Variants in ODR4 observed in about 807,000 individuals in gnomAD.
The protein encoded by ODR4 is odr-4 GPCR localization factor homolog.
In ODR4, 47 loss-of-function variants were observed where a neutral mutation model predicts 60.2. The ratio of observed to expected loss-of-function variants is 0.78; its 90% CI spans 0.62 to 1.00. The LOEUF (loss-of-function observed/expected upper bound fraction) is 1.00. Ranked by LOEUF, ODR4 falls within the 50% of genes least tolerant of loss-of-function variation. The pLI is 0.00. For missense variants in ODR4, 488 were observed against 530.8 expected (o/e 0.92, Z 0.79); for synonymous variants, 178 against 175.5 (o/e 1.01, Z -0.11).
intron 12 of ODR4, among the ~76,000 whole-genome samples, chr1:186,412,868 A>G (rs941156720): frequency 6.6e-6 from 1 of 152,134 alleles, no homozygotes; most frequent in African/African-American, 2.4e-5. Flanking sequence ...TTAACACATT[A>G]TTAGGCTTTT....
At position 186,398,434 on chromosome 1, in the gene ODR4, C is replaced by T. The variant is rs368311549; in HGVS notation, c.902C>T (p.Ala301Val). 2.5e-6 allele frequency: 4 copies of T among 1,603,824 alleles called. No individual in the cohort carries two copies. The African/African-American group carries it at 5.4e-5, about 22-fold the overall frequency. Residue 301 changes from alanine (A) to valine (V), a missense_variant, in exon 10 of 14, where the codon GCT (alanine) becomes GTT (valine). Physicochemically the swap from Ala to Val is moderately conservative, Grantham distance 64. Transcript: ENST00000287859. ...AGCAGTAAACCCAAAGTTAAAGATGCTGTGCAGGTACAAAAAGGAATAACG... is the reference window on the plus strand; with the variant it reads ...AGCAGTAAACCCAAAGTTAAAGATGTTGTGCAGGTACAAAAAGGAATAACG... ...IHSSKPKVKD[A>V]VQAVKRDILN...
At chr1:186,376,329 A>G (rs544012960) in intron 1 of ODR4, among the ~76,000 whole-genome samples, 1 of 152,330 alleles carries the variant, frequency 6.6e-6, no homozygotes, top group East Asian at 1.9e-4. Context: ...TGAAGTTTTT[A>G]AACACATTGT....
intron 12 of ODR4, among the ~76,000 whole-genome samples, chr1:186,416,198 A>T (rs535259432): frequency 7.2e-5 from 11 of 152,294 alleles, no homozygotes; most frequent in Admixed American, 5.9e-4. Flanking sequence ...TTTATTATTA[A>T]TATCTAATTA....
intron 3 of ODR4, among the ~76,000 whole-genome samples, chr1:186,384,210 T>A (rs1236826930): frequency 6.6e-6 from 1 of 152,170 alleles, no homozygotes; most frequent in East Asian, 1.9e-4. Flanking sequence ...AGGCTGCTTC[T>A]GTTCATGTCA....
intron 12 of ODR4, chr1:186,411,744 A>T: frequency 6.5e-6 from 2 of 309,540 alleles, no homozygotes; most frequent in Non-Finnish European, 9.4e-6. Context: ...ATTAAAACTT[A>T]GTTATATGTT....
chr1:186,407,157 A>C (rs1290219295), intron 12 of ODR4, among the ~76,000 whole-genome samples: 1 of 152,104 alleles, frequency 6.6e-6, no homozygotes, highest in Non-Finnish European at 1.5e-5. Context: ...CAGTGGGGAA[A>C]ATAAAATTTC....
intron 4 of ODR4, among the ~76,000 whole-genome samples, chr1:186,387,807 T>C (rs1660310763): frequency 6.6e-6 from 1 of 152,220 alleles, no homozygotes; most frequent in South Asian, 2.1e-4. Context: ...CGAAATGTAT[T>C]ACCACCCCTT....
intron 1 of ODR4, among the ~76,000 whole-genome samples, chr1:186,378,108 C>A (rs1007863597): frequency 6.6e-6 from 1 of 152,108 alleles, no homozygotes; most frequent in African/African-American, 2.4e-5. Flanking sequence ...ACTGAACAAG[C>A]TCATTGAAAC....
chr1:186,388,105 T>C (rs1264707833), intron 4 of ODR4, among the ~76,000 whole-genome samples: 1 of 152,210 alleles, frequency 6.6e-6, no homozygotes, highest in African/African-American at 2.4e-5. Context: ...TGATAGTGAA[T>C]TAAATTTTTT....
Position 186,417,625 on chromosome 1 carries a change from CAAT to C in ODR4, c.1269_1271del (p.Met424del). ...CAACCAAAACAACCAATTAAAACTA[CAAT>C]GTTATTGAAAATTCAGCAAAACATA... is the stretch of plus-strand genomic sequence containing the variant. On this transcript the variant is annotated inframe_deletion, in exon 13 of 14. Transcript: ENST00000287859. The C allele has an allele frequency of 1.9e-6, 3 of 1,594,734 alleles. No individual in the cohort carries two copies. The highest frequency in any genetic ancestry group is 2.6e-6 in the Non-Finnish European group (3 of 1,167,952).
rs375321864 is a variant in ODR4 at position 186,398,956 on chromosome 1, A to G, written c.912A>G (p.Ala304=). ...TTTTTGTGTGTTTTTCCCTGTAGGC[A>G]GTAAAGAGGGATATATTGAACACAG... The part of the protein sequence containing the change: ...SKPKVKDAVQ[A]VKRDILNTVA... Residue 304 remains alanine, a splice_region_variant and synonymous_variant, in exon 11 of 14, where the codon GCA becomes GCG. Transcript: ENST00000287859. The G allele has an allele frequency of 3.1e-6, 5 of 1,604,000 alleles. No individual in the cohort carries two copies. The South Asian group carries it at 5.6e-5, about 18-fold the overall frequency.
chr1:186,376,785 T>C (rs1258316965), intron 1 of ODR4, among the ~76,000 whole-genome samples: 1 of 152,218 alleles, frequency 6.6e-6, no homozygotes, highest in Non-Finnish European at 1.5e-5. Flanking sequence ...ATCTGTCATT[T>C]GGGAAATGTA....
At position 186,388,539 on chromosome 1, in the gene ODR4, C is replaced by G; in HGVS notation, c.428C>G (p.Ser143Cys). The change falls in exon 5 of 14, where the codon TCT becomes TGT. Residue 143 changes from serine (S) to cysteine (C), a missense_variant. By Grantham distance (112) the Ser-to-Cys change is moderately radical. Coordinates refer to ENST00000287859, the MANE Select transcript of ODR4 (RefSeq NM_017847.6). ...CGAGTGACACTTCACATTTGTGCTT[C>G]TACAAAAAAGTATCTTTTGTTCAGT... ...SERVTLHICA[S>C]TKKIFCRTYD... 6.5e-7 allele frequency: 1 copy of G among 1,526,840 alleles called. No homozygotes were observed. The highest frequency in any genetic ancestry group is 8.8e-7 in the Non-Finnish European group (1 of 1,134,154). 94.6% of individuals were successfully genotyped at this position (1,526,840 alleles called of 1,614,324 possible).
At chr1:186,430,929 G>A in the ODR4 span, among the ~76,000 whole-genome samples, 229 of 149,648 alleles carry the variant, frequency 1.5e-3, 1 homozygote, top group Non-Finnish European at 2.8e-3. Flanking sequence ...AAATATTACT[G>A]TGCATATACA....
the ODR4 span, among the ~76,000 whole-genome samples, chr1:186,431,774 G>A: frequency 5.3e-5 from 8 of 152,182 alleles, no homozygotes; most frequent in Non-Finnish European, 1.0e-4. Context: ...TGGCAAAGAT[G>A]TGGAAGGAAT....
intron 10 of ODR4, 91 bp downstream of exon 10, chr1:186,398,532 T>G: frequency 7.8e-7 from 1 of 1,285,532 alleles, no homozygotes; most frequent in Non-Finnish European, 1.0e-6. Flanking sequence ...ATTTTGTAAT[T>G]ATTAATTCGA....
intron 11 of ODR4, chr1:186,399,335 A>G (rs557298713): frequency 2.1e-4 from 82 of 386,936 alleles, no homozygotes; most frequent in Middle Eastern, 8.1e-4. Flanking sequence ...CCTCCCTAGT[A>G]GGTGGGCCTG....
chr1:186,394,386 T>C (rs1185553716), intron 9 of ODR4, among the ~76,000 whole-genome samples: 2 of 152,156 alleles, frequency 1.3e-5, no homozygotes, highest in Non-Finnish European at 2.9e-5. Context: ...CATATGCTTA[T>C]TTTGAAGTAG....
At chr1:186,389,025 C>T (rs1045622906) in intron 5 of ODR4, among the ~76,000 whole-genome samples, 5 of 152,124 alleles carry the variant, frequency 3.3e-5, no homozygotes, top group South Asian at 4.1e-4. Context: ...GCCAGTTACA[C>T]GGCCTCTTAC....
Sources: gnomAD v4.1 joint callset for allele counts (sites outside exome capture counted in the v4.1 genomes callset) on GRCh38, gnomAD v4.1.1 for gene constraint, MANE v1.5 for transcripts, NCBI Gene and HGNC (gene_info 2026-07-23, HGNC 2026-07-21) for gene names.